SNAP91: variants seen among roughly 807,000 people sequenced by gnomAD.
SNAP91 encodes synaptosome associated protein 91.
SNAP91 carries 27 observed loss-of-function variants against 100.3 expected under a neutral mutation model. The ratio of observed to expected loss-of-function variants is 0.27; its 90% CI spans 0.20 to 0.37. SNAP91 has a LOEUF of 0.37. SNAP91 is among the 10% of genes least tolerant of loss of function. The probability of loss-of-function intolerance (pLI) is 1.00; values close to 1 mark genes in which losing one functional copy is unlikely to be tolerated. For synonymous variants in SNAP91, 404 were observed against 398.6 expected, an observed-to-expected ratio of 1.01 and a Z score of -0.16; for missense variants, 986 against 1,123.7, an observed-to-expected ratio of 0.88 and a Z score of 1.75.
chr6:83,660,230 G>A (rs543049693), intron 5 of SNAP91, among the ~76,000 whole-genome samples: 7 of 152,312 alleles, frequency 4.6e-5, no homozygotes, highest in Middle Eastern at 3.4e-3. Context: ...AGCAATGGTT[G>A]CATGGTGCCA....
chr6:83,573,647 A>G (rs367996889), intron 26 of SNAP91, among the ~76,000 whole-genome samples: 1 of 152,192 alleles, frequency 6.6e-6, no homozygotes, highest in Admixed American at 6.5e-5. Flanking sequence ...AACTAATGCC[A>G]CATATCTACA....
intron 28 of SNAP91, among the ~76,000 whole-genome samples, chr6:83,556,666 G>A (rs1375792070): frequency 6.6e-6 from 1 of 152,070 alleles, no homozygotes; most frequent in Non-Finnish European, 1.5e-5. Flanking sequence ...TGAACAAACA[G>A]TAAAACAAAC....
chr6:83,575,505 T>C (rs1410479274), intron 25 of SNAP91: 1 of 255,950 alleles, frequency 3.9e-6, no homozygotes, highest in South Asian at 4.8e-5. Context: ...TTCTGGATCT[T>C]AGAGGGTTCA....
chr6:83,563,267 A>C (rs1400926957), intron 26 of SNAP91, among the ~76,000 whole-genome samples: 1 of 152,154 alleles, frequency 6.6e-6, no homozygotes, highest in East Asian at 1.9e-4. Context: ...AAAATGAATA[A>C]GGGAAAATCA....
intron 21 of SNAP91, among the ~76,000 whole-genome samples, chr6:83,591,702 A>G (rs1246332196): frequency 6.6e-6 from 1 of 152,198 alleles, no homozygotes; most frequent in Non-Finnish European, 1.5e-5. Context: ...TATGATTTGT[A>G]CCTACATGTC....
At chr6:83,680,245 T>C (rs555790264) in intron 2 of SNAP91, among the ~76,000 whole-genome samples, 3 of 152,296 alleles carry the variant, frequency 2.0e-5, no homozygotes, top group Non-Finnish European at 4.4e-5. Context: ...TCAGTAACCA[T>C]AGTAGTAGAC....
In SNAP91 at chr6:83,595,428, C is replaced by T. The variant is rs529810562; in HGVS notation, c.1325-947G>A. Among the ~76,000 whole-genome samples the T allele has an allele frequency of 6.4e-4, 98 of 152,180 alleles. 3 individuals are homozygous for T. The South Asian group carries it at 0.013, about 20-fold the overall frequency. ...TACGAGCAGCCACAGTTTATAAATG[C>T]CCATTTTACAAATGGCTGATGTGTA... On this transcript the variant is annotated intron_variant, in intron 16 of 29. Coordinates refer to ENST00000369694, the MANE Select transcript of SNAP91 (RefSeq NM_001242792.2).
At position 83,592,483 on chromosome 6, in the gene SNAP91, A is replaced by T. The variant is rs1270223043; in HGVS notation, c.1902T>A (p.Asp634Glu). Reference sequence around the variant, plus strand: ...CAAAAAGGTCTATGACACCTGAAGAATCCACCTTTGCTGGCGAGGCAGTGG... The same window carrying T: ...CAAAAAGGTCTATGACACCTGAAGATTCCACCTTTGCTGGCGAGGCAGTGG... ...PATTASPAKV[D>E]SSGVIDLFGD... is the part of the protein sequence containing the mutation. Residue 634 changes from aspartate (D) to glutamate (E), a missense_variant, in exon 21 of 30, where the codon GAT (aspartate) becomes GAA (glutamate). By Grantham distance (45) the Asp-to-Glu change is conservative. Around this residue, in one of 4 missense-constraint regions of SNAP91, gnomAD observed 575 missense variants for 579.9 expected, o/e 0.99. Coordinates refer to ENST00000369694, the MANE Select transcript of SNAP91 (RefSeq NM_001242792.2). The T allele has an allele frequency of 1.1e-5, 18 of 1,612,606 alleles. No homozygotes were observed. Among genetic ancestry groups the T allele is most frequent in the Non-Finnish European group, 1.4e-5 (16 of 1,179,306 alleles).
chr6:83,562,829 T>C (rs1349342382), intron 26 of SNAP91, among the ~76,000 whole-genome samples: 1 of 152,168 alleles, frequency 6.6e-6, no homozygotes, highest in East Asian at 1.9e-4. Context: ...GATCCCTCAC[T>C]CTCACTCTCT....
chr6:83,555,883 T>G (rs532695734), intron 29 of SNAP91, among the ~76,000 whole-genome samples: 1 of 152,284 alleles, frequency 6.6e-6, no homozygotes, highest in African/African-American at 2.4e-5. Context: ...CTTGGGCACC[T>G]TTTTGCTTTA....
At chr6:83,664,008 T>C (rs2098621393) in intron 3 of SNAP91, among the ~76,000 whole-genome samples, 1 of 152,114 alleles carries the variant, frequency 6.6e-6, no homozygotes, top group East Asian at 1.9e-4. Flanking sequence ...CTGTGCTCTA[T>C]AAATGGAACA....
intron 8 of SNAP91, among the ~76,000 whole-genome samples, chr6:83,637,133 T>A (rs1022714778): frequency 1.3e-5 from 2 of 152,204 alleles, no homozygotes; most frequent in South Asian, 2.1e-4. Context: ...GTGGCAGTGC[T>A]CTGGGGAGGG....
intron 7 of SNAP91, among the ~76,000 whole-genome samples, chr6:83,650,608 G>C (rs2098160814): frequency 6.6e-6 from 1 of 152,098 alleles, no homozygotes; most frequent in African/African-American, 2.4e-5. Flanking sequence ...AGTAGAGATG[G>C]GGTTTCACCA....
intron 28 of SNAP91, among the ~76,000 whole-genome samples, chr6:83,557,403 C>T (rs1780395903): frequency 6.6e-6 from 1 of 152,044 alleles, no homozygotes; most frequent in East Asian, 1.9e-4. Flanking sequence ...TGATGGCTCA[C>T]ATCTGTAAAA....
chr6:83,698,405 T>C (rs1281786569), intron 2 of SNAP91, among the ~76,000 whole-genome samples: 1 of 151,170 alleles, frequency 6.6e-6, no homozygotes, highest in Non-Finnish European at 1.5e-5. Context: ...CCTGAAGTCA[T>C]GTGTTAATCT....
chr6:83,691,858 T>C (rs2099134628), intron 2 of SNAP91, among the ~76,000 whole-genome samples: 1 of 152,188 alleles, frequency 6.6e-6, no homozygotes, highest in Non-Finnish European at 1.5e-5. Context: ...CTCAACAATC[T>C]ATACTAATAA....
intron 22 of SNAP91, among the ~76,000 whole-genome samples, chr6:83,590,220 G>C (rs1171835035): frequency 6.6e-6 from 1 of 152,126 alleles, no homozygotes; most frequent in African/African-American, 2.4e-5. Context: ...AGTAAGGTAA[G>C]CCAACAATGT....
chr6:83,680,039 T>C (rs890230162), intron 2 of SNAP91, among the ~76,000 whole-genome samples: 1 of 152,116 alleles, frequency 6.6e-6, no homozygotes, highest in Non-Finnish European at 1.5e-5. Flanking sequence ...TAATATCTCT[T>C]TATAGCTCTC....
Position 83,593,726 on chromosome 6 carries a change from G to C in SNAP91, c.1448C>G (p.Ser483Cys). Residue 483 changes from serine (S) to cysteine (C), a missense_variant, in exon 18 of 30, where the codon TCT becomes TGT. Ser to Cys is a moderately radical substitution (Grantham distance 112). Transcript: ENST00000369694. ...AGGTGCAGCCTCTGCACTACCTTCA[G>C]ACGGGGCAAAGGGGTCTTTTGGAAA... is the stretch of plus-strand genomic sequence containing the variant. ...ACSGNDPFAP[S>C]EGSAEAAPEL... The C allele has an allele frequency of 6.3e-7, 1 of 1,586,550 alleles. No homozygotes were observed. The highest frequency in any genetic ancestry group is 8.6e-7 in the Non-Finnish European group (1 of 1,162,704).
Sources: allele counts gnomAD v4.1 joint callset (sites outside exome capture counted in the v4.1 genomes callset), GRCh38; gene constraint gnomAD v4.1.1; regional missense constraint gnomAD v4.1.1; transcripts MANE v1.5; gene names NCBI Gene and HGNC (gene_info 2026-07-23, HGNC 2026-07-21).